TRPM3: variants seen among roughly 807,000 people sequenced by gnomAD.
TRPM3 encodes the protein transient receptor potential cation channel subfamily M member 3, also known as long transient receptor potential channel 3.
Under a neutral mutation model 181.2 loss-of-function variants are expected in TRPM3, and 77 were observed. The ratio of observed to expected loss-of-function variants is 0.42; its 90% confidence interval spans 0.35 to 0.51. The LOEUF (loss-of-function observed/expected upper bound fraction) is 0.51, where lower values mean the gene tolerates loss of function less well. TRPM3 is among the 20% of genes least tolerant of loss of function. TRPM3 has a pLI of 0.01. For missense variants in TRPM3, 1,759 were observed against 2,196.7 expected (o/e 0.80, Z 3.98); for synonymous variants, 745 against 796.4 (o/e 0.94, Z 1.09).
intron 20 of TRPM3, among the ~76,000 whole-genome samples, chr9:70,599,163 A>G (rs1293760664): frequency 6.6e-6 from 1 of 152,094 alleles, no homozygotes; most frequent in African/African-American, 2.4e-5. Flanking sequence ...AAGCTCCATC[A>G]CATCTTACAG....
chr9:70,675,285 G>C (rs971366971), intron 9 of TRPM3, among the ~76,000 whole-genome samples: 8 of 152,010 alleles, frequency 5.3e-5, no homozygotes, highest in African/African-American at 1.7e-4. Flanking sequence ...ATTTTTAGTA[G>C]AGGTGAGGTT....
At position 70,843,063 on chromosome 9, in the gene TRPM3, G is replaced by T; in HGVS notation, c.741C>A (p.Cys247Ter). The T allele has an allele frequency of 6.2e-7, 1 of 1,613,446 alleles. No individual in the cohort carries two copies. The highest frequency in any genetic ancestry group is 8.5e-7 in the Non-Finnish European group (1 of 1,179,762). ...DHASKSRGKI[C>*]TIGIAPWGIV... ...TTCCCCAGGGGGCAATACCTATGGT[G>T]CATATCTTTCCTCGAGACTTAGAGG... is the stretch of plus-strand genomic sequence containing the variant. The change falls in exon 5 of 26, where the codon TGC (cysteine) becomes TGA (stop). Residue 247 changes from cysteine (C) to a stop codon, truncating the protein, a stop_gained. Coordinates refer to ENST00000677713, the MANE Select transcript of TRPM3 (RefSeq NM_001366145.2). LOFTEE classifies it high-confidence loss of function.
intron 1 of TRPM3, among the ~76,000 whole-genome samples, chr9:70,953,164 T>G (rs1422060726): frequency 6.6e-6 from 1 of 152,184 alleles, no homozygotes; most frequent in Admixed American, 6.5e-5. Flanking sequence ...AAATCTTCTC[T>G]TTTCTTTCCC....
Position 70,529,175 on chromosome 9 carries a change from ATCAAAC to A in TRPM3, c.*6772_*6777del, listed in dbSNP as rs770292460. The A allele has an allele frequency of 6.6e-6, 1 of 152,188 alleles. No homozygotes were observed. Among genetic ancestry groups the A allele is most frequent in the Non-Finnish European group, 1.5e-5 (1 of 68,042 alleles). 9.4% of individuals were successfully genotyped at this position (152,188 alleles called of 1,614,324 possible). A position where few individuals can be genotyped will look rare whatever the true frequency, so the allele number is the denominator to read the frequency against. On this transcript the variant is annotated 3_prime_UTR_variant, in exon 26 of 26. Coordinates refer to ENST00000677713, the MANE Select transcript of TRPM3 (RefSeq NM_001366145.2). ...CTGCTCTGAATTGTATATCTAAACA[ATCAAAC>A]TCAAAGTGCATTGTGAATCCAATAA...
intron 1 of TRPM3, among the ~76,000 whole-genome samples, chr9:71,382,884 G>A (rs2092835861): frequency 6.6e-6 from 1 of 151,938 alleles, no homozygotes; most frequent in Non-Finnish European, 1.5e-5. Context: ...TGTCTTCTCT[G>A]GTGGTTTATA....
intron 8 of TRPM3, among the ~76,000 whole-genome samples, chr9:70,690,672 A>C (rs1412383748): frequency 1.3e-5 from 2 of 152,160 alleles, no homozygotes; most frequent in Non-Finnish European, 2.9e-5. Flanking sequence ...TCAGTATTTA[A>C]AATAATTTGA....
chr9:71,420,655 GAA>G (rs2093717398), intron 1 of TRPM3, among the ~76,000 whole-genome samples: 1 of 78,832 alleles, frequency 1.3e-5, no homozygotes, highest in Non-Finnish European at 3.3e-5. Flanking sequence ...GAAAGAGAAA[GAA>G]AAAGAGAAAG....
chr9:71,141,731 T>C (rs1361735505), intron 1 of TRPM3, among the ~76,000 whole-genome samples: 1 of 152,196 alleles, frequency 6.6e-6, no homozygotes, highest in Non-Finnish European at 1.5e-5. Context: ...TAAATTTTTA[T>C]TACATTTTAT....
intron 1 of TRPM3, among the ~76,000 whole-genome samples, chr9:71,218,329 TA>T (rs1290118053): frequency 2.0e-5 from 3 of 152,204 alleles, no homozygotes; most frequent in Non-Finnish European, 4.4e-5. Flanking sequence ...CTCTATATAT[TA>T]ATTCATTTAA....
In TRPM3 at chr9:70,625,258, G is replaced by A; in HGVS notation, c.1742C>T (p.Ala581Val). ...CTTGCGCGTGTAGTTGCAGCGATAA[G>A]CCCCGCCCATCAGGTACTCGATCAC... ...GLVIEYLMGG[A>V]YRCNYTRKRF... Residue 581 changes from alanine (A) to valine (V), a missense_variant, in exon 14 of 26, where the codon GCT (alanine) becomes GTT (valine). Physicochemically the swap from Ala to Val is moderately conservative, Grantham distance 64. Transcript: ENST00000677713. The surrounding 1 kb of genome is among the most constrained non-coding windows in gnomAD (Gnocchi z 4.8). 1 of 1,614,150 alleles carries A rather than the reference G, an allele frequency of 6.2e-7. No individual in the cohort carries two copies. Among genetic ancestry groups the A allele is most frequent in the South Asian group, 1.1e-5 (1 of 91,074 alleles).
rs552391443 is a variant in TRPM3 at position 71,207,320 on chromosome 9, T to C, written c.183+239333A>G. Among the ~76,000 whole-genome samples the C allele has an allele frequency of 3.3e-5, 5 of 152,270 alleles. No individual in the cohort carries two copies. The East Asian group carries it at 9.6e-4, about 29-fold the overall frequency. On this transcript the variant is annotated intron_variant, in intron 1 of 24. Transcript: ENST00000357533. ...AATATGTTTAATTTAAAAATAATTA[T>C]GTTCAATTTTTTCATAAAAGTTATT...
chr9:70,928,945 A>G (rs1015673079), intron 1 of TRPM3, among the ~76,000 whole-genome samples: 1 of 152,156 alleles, frequency 6.6e-6, no homozygotes, highest in East Asian at 1.9e-4. Context: ...GTCCTGACAC[A>G]GCATAAAGTT....
chr9:70,768,306 A>G (rs2079532906), intron 7 of TRPM3, among the ~76,000 whole-genome samples: 1 of 152,160 alleles, frequency 6.6e-6, no homozygotes, highest in Non-Finnish European at 1.5e-5. Flanking sequence ...ATTTACATTT[A>G]TTTGGCATTT....
At chr9:71,003,600 G>A (rs1311625333) in intron 1 of TRPM3, among the ~76,000 whole-genome samples, 1 of 152,122 alleles carries the variant, frequency 6.6e-6, no homozygotes, top group Non-Finnish European at 1.5e-5. Flanking sequence ...CTAATAGGAT[G>A]TGTTGTTGAT....
In TRPM3 at chr9:70,529,796, CTGAA is replaced by C. The variant is rs1409623362; in HGVS notation, c.*6153_*6156del. The C allele has an allele frequency of 6.6e-6, 1 of 152,180 alleles. No homozygotes were observed. The highest frequency in any genetic ancestry group is 1.5e-5 in the Non-Finnish European group (1 of 68,060). The allele number at this position is 152,180 out of a possible 1,614,324, so 9.4% of individuals were successfully genotyped here. On this transcript the variant is annotated 3_prime_UTR_variant, in exon 26 of 26. Coordinates refer to ENST00000677713, the MANE Select transcript of TRPM3 (RefSeq NM_001366145.2). ...AGGTCCCAAACTATTGCCTTTGGGA[CTGAA>C]TGCTGCTGGCAGACATGTTTGTTTG...
chr9:71,415,488 CT>C (rs1246838755), intron 1 of TRPM3, among the ~76,000 whole-genome samples: 1 of 151,938 alleles, frequency 6.6e-6, no homozygotes, highest in Non-Finnish European at 1.5e-5. Context: ...AAGAGAACAA[CT>C]TTTTTTCATA....
intron 1 of TRPM3, among the ~76,000 whole-genome samples, chr9:71,001,545 G>A (rs1319685583): frequency 6.6e-6 from 1 of 152,134 alleles, no homozygotes; most frequent in Admixed American, 6.5e-5. Context: ...GCAGGCCTTG[G>A]TACCACACAA....
intron 1 of TRPM3, among the ~76,000 whole-genome samples, chr9:71,288,456 CAG>C (rs371823220): frequency 6.6e-6 from 1 of 152,028 alleles, no homozygotes. Flanking sequence ...CTGAGTATGA[CAG>C]AAAGTTCCCT....
intron 1 of TRPM3, among the ~76,000 whole-genome samples, chr9:71,184,807 T>C (rs2077585647): frequency 6.6e-6 from 1 of 152,118 alleles, no homozygotes; most frequent in Admixed American, 6.6e-5. Flanking sequence ...TACATGCTCA[T>C]CCAAATTTAA....
Sources: allele counts gnomAD v4.1 joint callset (sites outside exome capture counted in the v4.1 genomes callset), GRCh38; gene constraint gnomAD v4.1.1; non-coding constraint Gnocchi (gnomAD v3.1); transcripts MANE v1.5; gene names NCBI Gene and HGNC (gene_info 2026-07-23, HGNC 2026-07-21).